ABLIM3: variants seen among roughly 807,000 people sequenced by gnomAD.
The protein encoded by ABLIM3 is actin-binding LIM protein 3.
ABLIM3 carries 61 observed loss-of-function variants against 109.5 expected under a neutral mutation model. The ratio of observed to expected loss-of-function variants is 0.56; its 90% CI spans 0.45 to 0.69. The LOEUF is 0.69. Among genes scored for constraint, ABLIM3 ranks in the 30% least tolerant of loss-of-function variants. The pLI is 0.00. For synonymous variants in ABLIM3, 300 were observed against 324.8 expected, an observed-to-expected ratio of 0.92 and a Z score of 0.82; for missense variants, 796 against 889.5, an observed-to-expected ratio of 0.89 and a Z score of 1.34.
intron 3 of ABLIM3, among the ~76,000 whole-genome samples, chr5:149,190,499 G>A (rs1322577826): frequency 6.6e-6 from 1 of 152,066 alleles, no homozygotes; most frequent in Non-Finnish European, 1.5e-5. Context: ...GGGCAACATA[G>A]CGAAGCCTCT....
chr5:149,145,247 G>T (rs1752809101), intron 2 of ABLIM3, among the ~76,000 whole-genome samples: 1 of 152,100 alleles, frequency 6.6e-6, no homozygotes, highest in African/African-American at 2.4e-5. Context: ...GCAGTATTTG[G>T]TTTTATGTTC....
At chr5:149,189,671 A>G (rs373961016) in intron 3 of ABLIM3, among the ~76,000 whole-genome samples, 3 of 152,252 alleles carry the variant, frequency 2.0e-5, no homozygotes, top group Non-Finnish European at 4.4e-5. Flanking sequence ...CTTCACATCT[A>G]CTAGAATGGC....
chr5:149,252,536 T>C, intron 22 of ABLIM3: 1 of 561,366 alleles, frequency 1.8e-6, no homozygotes, highest in Non-Finnish European at 3.2e-6. Flanking sequence ...ACCTCCAAGC[T>C]TATTCCTAGT....
chr5:149,208,246 A>G (rs931752103), intron 6 of ABLIM3, among the ~76,000 whole-genome samples: 2 of 152,128 alleles, frequency 1.3e-5, no homozygotes, highest in South Asian at 2.1e-4. Context: ...ACTCACAGAA[A>G]TGGGAAGGCC....
At chr5:149,143,584 T>G (rs1203133910) in intron 2 of ABLIM3, among the ~76,000 whole-genome samples, 1 of 113,702 alleles carries the variant, frequency 8.8e-6, no homozygotes, top group Non-Finnish European at 1.8e-5. Flanking sequence ...GAAAATAAAA[T>G]ATATTTATTT....
intron 5 of ABLIM3, 139 bp downstream of exon 5, chr5:149,200,567 C>A: frequency 1.3e-6 from 1 of 766,762 alleles, no homozygotes; most frequent in Admixed American, 2.3e-5. Flanking sequence ...TGCATCATGA[C>A]CCCATTGGCA....
chr5:149,180,138 G>A (rs1756332981), intron 2 of ABLIM3, among the ~76,000 whole-genome samples: 1 of 152,194 alleles, frequency 6.6e-6, no homozygotes, highest in African/African-American at 2.4e-5. Context: ...CTCAAGGGTA[G>A]GCAGTTTCTA....
chr5:149,198,784 A>G lies in ABLIM3; in HGVS notation c.335+382A>G, dbSNP rs1445636800. ...ACCCTCATCCACAGGTGGGACAGGG[A>G]TGTCTGTACATAGCCTTCCTCCATC... On this transcript the variant is annotated intron_variant, in intron 4 of 23. Coordinates refer to ENST00000309868, the MANE Select transcript of ABLIM3 (RefSeq NM_014945.5). The surrounding 1 kb of genome is among the most constrained non-coding windows in gnomAD (Gnocchi z 4.2). 1.3e-5 allele frequency among the ~76,000 whole-genome samples: 2 copies of G among 152,124 alleles called. No individual in the cohort carries two copies. Among genetic ancestry groups the G allele is most frequent in the African/African-American group, 4.8e-5 (2 of 41,416 alleles).
chr5:149,245,313 G>T (rs1232373346), intron 16 of ABLIM3, among the ~76,000 whole-genome samples: 1 of 152,216 alleles, frequency 6.6e-6, no homozygotes, highest in Non-Finnish European at 1.5e-5. Context: ...GGGGCCTGCT[G>T]TCCAGCCTGA....
chr5:149,192,160 G>C (rs1192180030), intron 3 of ABLIM3, among the ~76,000 whole-genome samples: 2 of 151,998 alleles, frequency 1.3e-5, no homozygotes, highest in African/African-American at 4.8e-5. Context: ...ATTTGGCCTG[G>C]AGGGTCCTAG....
At chr5:149,174,655 G>A (rs2127464977) in intron 2 of ABLIM3, 1 of 152,334 alleles carries the variant, frequency 6.6e-6, no homozygotes, top group South Asian at 2.1e-4. Flanking sequence ...TCCCTGCTGG[G>A]GTCGAGGCAG....
At chr5:149,150,237 C>T (rs1753306686) in intron 2 of ABLIM3, among the ~76,000 whole-genome samples, 2 of 152,174 alleles carry the variant, frequency 1.3e-5, no homozygotes, top group South Asian at 4.1e-4. Context: ...GATGACCTTC[C>T]TCTGCTAATG....
intron 13 of ABLIM3, 70 bp from the exon 14 acceptor site, chr5:149,240,606 T>G (rs1752714316): frequency 7.2e-6 from 9 of 1,257,338 alleles, no homozygotes; most frequent in Non-Finnish European, 1.0e-5. Context: ...CTTCCTAAAC[T>G]GCCACCGCGT....
chr5:149,215,606 T>G (rs1338272828), intron 7 of ABLIM3, among the ~76,000 whole-genome samples: 4 of 152,176 alleles, frequency 2.6e-5, no homozygotes, highest in Non-Finnish European at 5.9e-5. Context: ...AAGGAACCCA[T>G]TAGCATCAGA....
chr5:149,205,154 A>G (rs1758850409), intron 5 of ABLIM3, among the ~76,000 whole-genome samples: 1 of 152,222 alleles, frequency 6.6e-6, no homozygotes, highest in South Asian at 2.1e-4. Context: ...TCGTATGGGA[A>G]AAGAGGTGGA....
At chr5:149,177,181 A>T (rs1163020434) in intron 2 of ABLIM3, 2 of 152,242 alleles carry the variant, frequency 1.3e-5, no homozygotes, top group African/African-American at 4.8e-5. Flanking sequence ...CCCTGCCCTC[A>T]TGGAGCTCAC....
chr5:149,187,472 T>G (rs1041662822), intron 3 of ABLIM3, among the ~76,000 whole-genome samples: 1 of 152,244 alleles, frequency 6.6e-6, no homozygotes, highest in Non-Finnish European at 1.5e-5. Context: ...GGAAAGATTA[T>G]GTATTCAGCA....
chr5:149,246,093 C>T (rs912833457), intron 16 of ABLIM3, among the ~76,000 whole-genome samples: 6 of 152,122 alleles, frequency 3.9e-5, no homozygotes, highest in East Asian at 1.9e-4. Flanking sequence ...AGCCTGGGGA[C>T]TTGAGGCTGC....
chr5:149,141,619 G>A lies in ABLIM3; in HGVS notation c.-123G>A, dbSNP rs1752462380. 6.1e-6 allele frequency: 1 copy of A among 164,700 alleles called. No individual in the cohort carries two copies. Among genetic ancestry groups the A allele is most frequent in the African/African-American group, 2.4e-5 (1 of 41,694 alleles). The allele number at this position is 164,700 out of a possible 1,614,324, so 10.2% of individuals were successfully genotyped here. On this transcript the variant is annotated 5_prime_UTR_variant, in exon 1 of 24. Coordinates refer to ENST00000309868, the MANE Select transcript of ABLIM3 (RefSeq NM_014945.5). Reference sequence around the variant, plus strand: ...TTCATGAAATCAGTCGCAGGGGCCGGGGCAGGGGCCTCTGGCTCCCGACAC... The same window carrying A: ...TTCATGAAATCAGTCGCAGGGGCCGAGGCAGGGGCCTCTGGCTCCCGACAC...
Sources: allele counts gnomAD v4.1 joint callset (sites outside exome capture counted in the v4.1 genomes callset), GRCh38; gene constraint gnomAD v4.1.1; non-coding constraint Gnocchi (gnomAD v3.1); transcripts MANE v1.5; gene names NCBI Gene and HGNC (gene_info 2026-07-23, HGNC 2026-07-21).